The following TMEM131 variants were observed in gnomAD, a reference collection of about 807,000 sequenced individuals.
TMEM131 encodes the protein 2610524E03Rik.
TMEM131 carries 66 observed loss-of-function variants against 211.6 expected under a neutral mutation model. The observed-to-expected ratio is 0.31, with a 90% CI of 0.26 to 0.38. The LOEUF is 0.38. Ranked by LOEUF, TMEM131 falls within the 10% of genes least tolerant of loss-of-function variation. The pLI, the probability that TMEM131 is intolerant of heterozygous loss-of-function variation, is 1.00. For missense variants in TMEM131, 2,036 were observed against 2,299.3 expected, an observed-to-expected ratio of 0.89 and a Z score of 2.34; for synonymous variants, 844 against 841.3, an observed-to-expected ratio of 1.00 and a Z score of -0.06.
intron 7 of TMEM131, among the ~76,000 whole-genome samples, chr2:97,838,426 C>CCTTTTTTTTTTT (rs1683035085): frequency 1.1e-5 from 1 of 89,084 alleles, no homozygotes; most frequent in African/African-American, 4.3e-5. Flanking sequence ...TAAGCTTAAA[C>CCTTTTTTTTTTT]TTTTTTTTTT....
At chr2:97,866,550 T>C (rs1362162444) in intron 4 of TMEM131, among the ~76,000 whole-genome samples, 3 of 152,206 alleles carry the variant, frequency 2.0e-5, no homozygotes, top group African/African-American at 4.8e-5. Context: ...TAGTTTTTAT[T>C]ATTTCTGTTT....
At chr2:97,759,502 A>T in intron 39 of TMEM131, 150 bp downstream of exon 39, 1 of 648,368 alleles carries the variant, frequency 1.5e-6, no homozygotes, top group Non-Finnish European at 2.7e-6. Context: ...ATGAGGGAGG[A>T]AGAGGGGAGG....
chr2:97,967,591 G>A (rs1450879811), intron 1 of TMEM131, among the ~76,000 whole-genome samples: 1 of 152,096 alleles, frequency 6.6e-6, no homozygotes, highest in African/African-American at 2.4e-5. Context: ...ATAAAAAACT[G>A]TATACTCAAC....
intron 1 of TMEM131, among the ~76,000 whole-genome samples, chr2:97,986,226 C>T (rs1395251836): frequency 6.6e-6 from 1 of 152,160 alleles, no homozygotes; most frequent in African/African-American, 2.4e-5. Context: ...AAAAGAGTAA[C>T]AGCCAGTGTG....
At chr2:97,970,605 ATC>A (rs1410187645) in intron 1 of TMEM131, among the ~76,000 whole-genome samples, 4 of 152,176 alleles carry the variant, frequency 2.6e-5, no homozygotes, top group Non-Finnish European at 4.4e-5. Context: ...CCTTGACCTC[ATC>A]TATTCACCAC....
At position 97,766,212 on chromosome 2, in the gene TMEM131, G is replaced by T; in HGVS notation, c.4625C>A (p.Pro1542Gln). The change falls in exon 35 of 41, where the codon CCG becomes CAG. Residue 1542 changes from proline to glutamine, a missense_variant. Coordinates refer to ENST00000186436, the MANE Select transcript of TMEM131 (RefSeq NM_015348.2). ...NRPPALAKFL[P>Q]NSQELGNTSS... ...GGTGTTGCCTAATTCTTGACTATTC[G>T]GGAGGAATTTTGCTAGGGCAGGTGG... 1.9e-6 allele frequency: 3 copies of T among 1,613,984 alleles called. No homozygotes were observed. Among genetic ancestry groups the T allele is most frequent in the South Asian group, 2.2e-5 (2 of 91,078 alleles).
chr2:97,981,485 C>T (rs1394201492), intron 1 of TMEM131, among the ~76,000 whole-genome samples: 2 of 152,134 alleles, frequency 1.3e-5, no homozygotes, highest in East Asian at 1.9e-4. Context: ...GCAGTCTCAT[C>T]GAAAGTGTTG....
intron 18 of TMEM131, 91 bp downstream of exon 18, chr2:97,811,037 A>G: frequency 1.1e-6 from 1 of 921,228 alleles, no homozygotes; most frequent in South Asian, 1.4e-5. Flanking sequence ...TGTAACTCTG[A>G]GTAAACTTAA....
intron 3 of TMEM131, among the ~76,000 whole-genome samples, chr2:97,898,312 C>T (rs1036642344): frequency 6.6e-6 from 1 of 152,046 alleles, no homozygotes; most frequent in Non-Finnish European, 1.5e-5. Flanking sequence ...TGGCTAAATT[C>T]CAGAAAACTT....
chr2:97,759,332 T>G (rs1019293963), intron 39 of TMEM131: 2 of 542,302 alleles, frequency 3.7e-6, no homozygotes, highest in Non-Finnish European at 6.6e-6. Flanking sequence ...GACCTCTAGT[T>G]CTGGACAGCA....
intron 5 of TMEM131, among the ~76,000 whole-genome samples, chr2:97,852,302 T>C (rs1474538813): frequency 1.3e-5 from 2 of 151,974 alleles, no homozygotes; most frequent in Non-Finnish European, 2.9e-5. Context: ...ACTGAGATTA[T>C]AGGTGCACAC....
chr2:97,955,866 T>C lies in TMEM131; in HGVS notation c.188-28379A>G, dbSNP rs183379952. Among the ~76,000 whole-genome samples, 17 of 152,220 alleles carry C rather than the reference T, an allele frequency of 1.1e-4. No homozygotes were observed. In the East Asian group the frequency reaches 3.3e-3, roughly 29 times the overall value. ...AAAAGAAAACCTAAATAAATGAACA[T>C]ATATAATAGAGTACTTAACACAGGA... On this transcript the variant is annotated intron_variant, in intron 1 of 40. Coordinates refer to ENST00000186436, the MANE Select transcript of TMEM131 (RefSeq NM_015348.2).
At chr2:97,973,761 T>C (rs923494574) in intron 1 of TMEM131, among the ~76,000 whole-genome samples, 1 of 152,178 alleles carries the variant, frequency 6.6e-6, no homozygotes, top group Non-Finnish European at 1.5e-5. Flanking sequence ...CATGACATAC[T>C]GGACAGAGTG....
At position 97,812,410 on chromosome 2, in the gene TMEM131, A is replaced by G. The variant is rs565076891; in HGVS notation, c.1863+11T>C. ...ATCTTACTTTAAGGAGACAATAGAA[A>G]GTTTACTTACCGATGATTGATCTGA... On this transcript the variant is annotated intron_variant, in intron 17 of 40. Transcript: ENST00000186436. The G allele has an allele frequency of 6.3e-6, 10 of 1,595,172 alleles. No homozygotes were observed. The highest frequency in any genetic ancestry group is 1.8e-5 in the Admixed American group (1 of 54,704).
chr2:97,948,959 T>C (rs531805938), intron 1 of TMEM131, among the ~76,000 whole-genome samples: 8 of 152,208 alleles, frequency 5.3e-5, no homozygotes, highest in African/African-American at 1.9e-4. Context: ...GCCAGGCCAG[T>C]AGTTTCTGAA....
intron 5 of TMEM131, 113 bp from the exon 6 acceptor site, chr2:97,844,374 T>G (rs1049945122): frequency 7.6e-5 from 29 of 381,496 alleles, no homozygotes; most frequent in Non-Finnish European, 1.0e-4. Flanking sequence ...CTTTAAAAGT[T>G]TAAGCTTTAA....
At chr2:97,965,710 T>C (rs1054670167) in intron 1 of TMEM131, among the ~76,000 whole-genome samples, 1 of 82,858 alleles carries the variant, frequency 1.2e-5, no homozygotes, top group Non-Finnish European at 3.1e-5. Context: ...AATTAGGGAA[T>C]GTGTAATGAA....
chr2:97,927,454 A>C lies in TMEM131; in HGVS notation c.221T>G (p.Leu74Arg). ...FVQSESIIEVLRFDDGGLLQT... is the reference protein window; with the variant it reads ...FVQSESIIEVRRFDDGGLLQT... ...TAGTAGCCCTCCATCATCAAAACGC[A>C]GTACTTCTATTATGCTCTCTGACTG... The change falls in exon 2 of 41, where the codon CTG becomes CGG. Residue 74 changes from leucine to arginine, a missense_variant. This residue lies in a region of TMEM131 where 136 missense variants were observed against 115.4 expected (regional missense o/e 1.18). Transcript: ENST00000186436. 1 of 1,593,934 alleles carries C rather than the reference A, an allele frequency of 6.3e-7. No individual in the cohort carries two copies. The highest frequency in any genetic ancestry group is 8.5e-7 in the Non-Finnish European group (1 of 1,170,644).
At chr2:97,908,847 T>C in intron 2 of TMEM131, 149 bp from the exon 3 acceptor site, 1 of 586,794 alleles carries the variant, frequency 1.7e-6, no homozygotes, top group Non-Finnish European at 3.0e-6. Flanking sequence ...CCAAATCACA[T>C]ACAATGACTA....
Sources: gnomAD v4.1 joint callset for allele counts (sites outside exome capture counted in the v4.1 genomes callset) on GRCh38, gnomAD v4.1.1 for gene constraint, gnomAD v4.1.1 regional missense constraint, MANE v1.5 for transcripts, NCBI Gene and HGNC (gene_info 2026-07-23, HGNC 2026-07-21) for gene names.